The following WDPCP variants were observed in gnomAD, a reference collection of about 807,000 sequenced individuals.
WDPCP encodes the protein WD repeat-containing and planar cell polarity effector protein fritz homolog.
A neutral mutation model predicts 93.1 loss-of-function variants in WDPCP; 71 were observed. That is an observed-to-expected ratio of 0.76 (90% CI 0.63 to 0.93). WDPCP has a LOEUF of 0.93. Among genes scored for constraint, WDPCP ranks in the 40% least tolerant of loss-of-function variants. WDPCP has a pLI of 0.00. For missense variants in WDPCP, 844 were observed against 887.4 expected, an observed-to-expected ratio of 0.95 and a Z score of 0.62; for synonymous variants, 315 against 315.0, an observed-to-expected ratio of 1.00 and a Z score of 0.00.
chr2:63,515,897 G>A (rs2106122550), intron 1 of WDPCP, among the ~76,000 whole-genome samples: 1 of 152,074 alleles, frequency 6.6e-6, no homozygotes, highest in East Asian at 1.9e-4. Context: ...GTGCACGTCT[G>A]TAATCCCAGC....
At chr2:63,191,118 C>G (rs1009361239) in intron 14 of WDPCP, among the ~76,000 whole-genome samples, 3 of 152,114 alleles carry the variant, frequency 2.0e-5, no homozygotes, top group African/African-American at 4.8e-5. Flanking sequence ...TAGGGCTGGG[C>G]ATGGTGGCTC....
At chr2:63,315,427 C>CCTGT (rs10669703) in intron 12 of WDPCP, among the ~76,000 whole-genome samples, 2 of 151,860 alleles carry the variant, frequency 1.3e-5, no homozygotes, top group Admixed American at 1.3e-4. Context: ...TGGATTAAAG[C>CCTGT]CTAATAGAGG....
intron 2 of WDPCP, among the ~76,000 whole-genome samples, chr2:63,774,075 C>CT (rs1272714850): frequency 6.6e-6 from 1 of 152,018 alleles, no homozygotes; most frequent in African/African-American, 2.4e-5. Flanking sequence ...ACCTCCTACT[C>CT]TAAGAAAAAT....
At chr2:63,269,924 CTTTATG>C (rs1682486166) in intron 13 of WDPCP, among the ~76,000 whole-genome samples, 3 of 152,146 alleles carry the variant, frequency 2.0e-5, no homozygotes, top group African/African-American at 4.8e-5. Context: ...ATACAATCCT[CTTTATG>C]TTTATTTTAA....
At chr2:63,157,868 A>G (rs1223769719) in intron 15 of WDPCP, among the ~76,000 whole-genome samples, 1 of 151,996 alleles carries the variant, frequency 6.6e-6, no homozygotes, top group Admixed American at 6.6e-5. Flanking sequence ...TCAATGATAT[A>G]TGCTCTTTAT....
intron 6 of WDPCP, among the ~76,000 whole-genome samples, chr2:63,450,827 G>C (rs142418550): frequency 3.3e-5 from 5 of 151,950 alleles, no homozygotes; most frequent in African/African-American, 1.2e-4. Context: ...CAAGAGAATT[G>C]ATATAACTTC....
At chr2:63,161,721 A>G (rs1463869484) in intron 15 of WDPCP, among the ~76,000 whole-genome samples, 1 of 152,224 alleles carries the variant, frequency 6.6e-6, no homozygotes, top group South Asian at 2.1e-4. Flanking sequence ...ACTTGTATTA[A>G]TAAAATATAT....
At chr2:63,269,816 G>A (rs945449029) in intron 13 of WDPCP, among the ~76,000 whole-genome samples, 10 of 152,026 alleles carry the variant, frequency 6.6e-5, no homozygotes, top group Admixed American at 3.3e-4. Context: ...AATTTTATTC[G>A]TATTCTACAG....
intron 9 of WDPCP, among the ~76,000 whole-genome samples, chr2:63,424,923 T>A (rs1014055424): frequency 6.6e-6 from 1 of 152,140 alleles, no homozygotes; most frequent in Non-Finnish European, 1.5e-5. Context: ...GGGCTTATCT[T>A]TCCCCCTACA....
At chr2:63,302,412 C>T (rs1240630209) in intron 13 of WDPCP, among the ~76,000 whole-genome samples, 1 of 152,210 alleles carries the variant, frequency 6.6e-6, no homozygotes, top group Non-Finnish European at 1.5e-5. Flanking sequence ...TTAATTGAAA[C>T]TACCAGACTT....
chr2:63,800,877 A>C lies in WDPCP; in HGVS notation n.308+12745T>G, dbSNP rs796663186. ...AAGGCCAGCCTGGGCAACAGAGAGAAACCCCATCTCTGCAAAAAACTTAAA... is the reference window on the plus strand; with the variant it reads ...AAGGCCAGCCTGGGCAACAGAGAGACACCCCATCTCTGCAAAAAACTTAAA... On this transcript the variant is annotated intron_variant and non_coding_transcript_variant, in intron 2 of 4. Transcript: ENST00000467687. 4.5e-4 allele frequency among the ~76,000 whole-genome samples: 69 copies of C among 151,912 alleles called. 1 individual carries two copies. The highest frequency in any genetic ancestry group is 1.6e-3 in the African/African-American group (66 of 41,432).
In WDPCP at chr2:63,575,440, T is replaced by TGCATACA. The variant is rs1558832522; in HGVS notation, c.75+12756_75+12757insTGTATGC. Among the ~76,000 whole-genome samples, 4 of 76,598 alleles carry TGCATACA rather than the reference T, an allele frequency of 5.2e-5. 1 individual carries two copies. The East Asian group carries it at 1.4e-3, about 27-fold the overall frequency. The allele number at this position is 76,598 out of a possible 152,430, so 50.3% of individuals were successfully genotyped here. A position where few individuals can be genotyped will look rare whatever the true frequency, so the allele number is the denominator to read the frequency against. The stretch of plus-strand genomic sequence containing the variant: ...TACACTGTATACAGTGTATATACAG[T>TGCATACA]GTATACACTGTATATACAGTATATA... On this transcript the variant is annotated intron_variant, in intron 1 of 17. Coordinates refer to ENST00000272321, the MANE Select transcript of WDPCP (RefSeq NM_015910.7).
upstream of WDPCP, among the ~76,000 whole-genome samples, chr2:63,830,691 C>T (rs567997988): frequency 6.6e-6 from 1 of 152,244 alleles, no homozygotes; most frequent in East Asian, 1.9e-4. Context: ...ATATCTGATA[C>T]TCTCCTCTCT....
chr2:63,674,803 A>G (rs188904484), intron 2 of WDPCP, among the ~76,000 whole-genome samples: 7 of 152,024 alleles, frequency 4.6e-5, no homozygotes, highest in Non-Finnish European at 1.0e-4. Flanking sequence ...ATTTTCTTTG[A>G]TGACGGAAAA....
intron 2 of WDPCP, among the ~76,000 whole-genome samples, chr2:63,813,100 C>A (rs976889695): frequency 1.3e-5 from 2 of 152,066 alleles, no homozygotes; most frequent in African/African-American, 4.8e-5. Context: ...AGTGATCCTC[C>A]CACCTTAGCC....
In WDPCP at chr2:63,237,916, A is replaced by C. The variant is rs4316930; in HGVS notation, c.1915+21391T>G. 4.2e-3 allele frequency among the ~76,000 whole-genome samples: 644 copies of C among 151,672 alleles called. 2 individuals carry two copies. Among genetic ancestry groups the C allele is most frequent in the Non-Finnish European group, 5.7e-3 (388 of 67,924 alleles). On this transcript the variant is annotated intron_variant, in intron 14 of 17. Transcript: ENST00000272321. ...GGTGACAGGGTCAATAGAAGCCGAA[A>C]CCTCAGCATTAGGCAATATACCCTT... is the stretch of plus-strand genomic sequence containing the variant.
intron 10 of WDPCP, among the ~76,000 whole-genome samples, chr2:63,386,703 T>C (rs1325527255): frequency 6.6e-6 from 1 of 152,008 alleles, no homozygotes; most frequent in Non-Finnish European, 1.5e-5. Flanking sequence ...GAAATGAAAA[T>C]ATATGTTCAT....
At chr2:63,500,453 G>GT (rs58953741) in intron 1 of WDPCP, among the ~76,000 whole-genome samples, 80,762 of 146,434 alleles carry the variant, frequency 0.55, 22,126 homozygotes, top group African/African-American at 0.67. Flanking sequence ...AATGGTGTGG[G>GT]GGTGTGTGTG....
At chr2:63,225,398 G>A (rs938530094) in intron 14 of WDPCP, among the ~76,000 whole-genome samples, 19 of 151,844 alleles carry the variant, frequency 1.3e-4, no homozygotes, top group Non-Finnish European at 1.6e-4. Flanking sequence ...CAAGGATGGG[G>A]ATGTAAGAGA....
Sources: allele counts gnomAD v4.1 joint callset (sites outside exome capture counted in the v4.1 genomes callset), GRCh38; gene constraint gnomAD v4.1.1; transcripts MANE v1.5; gene names NCBI Gene and HGNC (gene_info 2026-07-23, HGNC 2026-07-21).